CPD: variants seen among roughly 807,000 people sequenced by gnomAD.
CPD encodes carboxypeptidase D.
Under a neutral mutation model 138.3 loss-of-function variants are expected in CPD, and 69 were observed. The ratio of observed to expected loss-of-function variants is 0.50; its 90% CI spans 0.41 to 0.61. The LOEUF (loss-of-function observed/expected upper bound fraction) is 0.61, where lower values mean the gene tolerates loss of function less well. Among genes scored for constraint, CPD ranks in the 20% least tolerant of loss-of-function variants. CPD has a pLI of 0.00. For missense variants in CPD, 1,432 were observed against 1,733.3 expected (o/e 0.83, Z 3.09); for synonymous variants, 651 against 642.1 (o/e 1.01, Z -0.21).
At chr17:30,423,447 C>T (rs538512102) in intron 5 of CPD, 59 bp from the exon 6 acceptor site, 3 of 1,275,654 alleles carry the variant, frequency 2.4e-6, no homozygotes, top group African/African-American at 1.6e-5. Context: ...CGGAAAAAAA[C>T]TGAGTCCATG....
At chr17:30,401,293 TCTCCTCTTA>T in intron 2 of CPD, among the ~76,000 whole-genome samples, 1 of 150,668 alleles carries the variant, frequency 6.6e-6, no homozygotes, top group African/African-American at 2.4e-5. Context: ...TCCTCCTCTT[TCTCCTCTTA>T]CTCCTCTTCC....
intron 2 of CPD, among the ~76,000 whole-genome samples, chr17:30,399,988 C>A (rs1276070382): frequency 6.6e-6 from 1 of 152,128 alleles, no homozygotes; most frequent in African/African-American, 2.4e-5. Context: ...GAGACTCTGT[C>A]TCAAAAAATA....
intron 2 of CPD, among the ~76,000 whole-genome samples, chr17:30,410,783 C>T (rs1322307110): frequency 6.6e-6 from 1 of 152,170 alleles, no homozygotes. Flanking sequence ...CTGAATACAG[C>T]ACACTGATGG....
chr17:30,393,736 G>A (rs1250191974), intron 2 of CPD, among the ~76,000 whole-genome samples: 1 of 152,174 alleles, frequency 6.6e-6, no homozygotes, highest in Non-Finnish European at 1.5e-5. Flanking sequence ...TTGAGGTGTG[G>A]ATGACTAAGA....
intron 2 of CPD, among the ~76,000 whole-genome samples, chr17:30,392,017 T>G (rs1489467526): frequency 6.6e-6 from 1 of 151,462 alleles, no homozygotes; most frequent in Admixed American, 6.6e-5. Flanking sequence ...TCTTTTTTTT[T>G]TTTTTTTTTG....
intron 2 of CPD, among the ~76,000 whole-genome samples, chr17:30,412,035 T>C (rs1911982036): frequency 6.6e-6 from 1 of 152,178 alleles, no homozygotes; most frequent in African/African-American, 2.4e-5. Flanking sequence ...GACCTACAGA[T>C]GGGGTTTTGG....
intron 12 of CPD, chr17:30,447,471 C>T (rs1418479817): frequency 6.6e-6 from 1 of 152,156 alleles, no homozygotes; most frequent in African/African-American, 2.4e-5. Context: ...TGTAAAATTG[C>T]TCTTCCTGAT....
intron 2 of CPD, among the ~76,000 whole-genome samples, chr17:30,390,638 T>G (rs1320713551): frequency 6.6e-6 from 1 of 152,202 alleles, no homozygotes; most frequent in Non-Finnish European, 1.5e-5. Flanking sequence ...CTAGTGCCTT[T>G]GCCTTCATTG....
chr17:30,414,508 G>C (rs542394579), intron 2 of CPD, among the ~76,000 whole-genome samples: 1 of 151,944 alleles, frequency 6.6e-6, no homozygotes, highest in Non-Finnish European at 1.5e-5. Flanking sequence ...GCATGAATCC[G>C]GGAGGCAGAG....
At chr17:30,380,374 C>A in intron 1 of CPD, 1 of 786,956 alleles carries the variant, frequency 1.3e-6, no homozygotes, top group Non-Finnish European at 1.6e-6. Flanking sequence ...GATTTTTCTC[C>A]AATTTTTACC....
intron 2 of CPD, among the ~76,000 whole-genome samples, chr17:30,396,838 T>C (rs1179248021): frequency 1.3e-5 from 2 of 152,128 alleles, no homozygotes; most frequent in Non-Finnish European, 2.9e-5. Flanking sequence ...CTTTCTTTCC[T>C]TCTTTCCTTC....
At chr17:30,453,341 T>C (rs1913214066) in intron 14 of CPD, among the ~76,000 whole-genome samples, 1 of 152,120 alleles carries the variant, frequency 6.6e-6, no homozygotes, top group Non-Finnish European at 1.5e-5. Context: ...TTGGCCAAAA[T>C]GGAGGGGCTA....
chr17:30,448,480 A>G (rs960570869), intron 12 of CPD, among the ~76,000 whole-genome samples: 2 of 152,250 alleles, frequency 1.3e-5, no homozygotes, highest in African/African-American at 2.4e-5. Context: ...TATGCCACAC[A>G]TGCCAGTGGT....
intron 9 of CPD, among the ~76,000 whole-genome samples, chr17:30,439,574 A>G (rs1158856763): frequency 2.1e-5 from 2 of 95,810 alleles, no homozygotes; most frequent in East Asian, 3.4e-4. Context: ...CCACCCCACC[A>G]CAGTCCCCAG....
At chr17:30,424,303 G>A (rs1464187293) in intron 6 of CPD, among the ~76,000 whole-genome samples, 1 of 152,238 alleles carries the variant, frequency 6.6e-6, no homozygotes, top group African/African-American at 2.4e-5. Context: ...AGGCTTCACA[G>A]AGAATAGATT....
chr17:30,390,895 T>G (rs897461028), intron 2 of CPD, among the ~76,000 whole-genome samples: 1 of 151,644 alleles, frequency 6.6e-6, no homozygotes, highest in African/African-American at 2.4e-5. Context: ...AATGGCACAA[T>G]CTCAGCTCAC....
chr17:30,412,397 C>T (rs556420946), intron 2 of CPD, among the ~76,000 whole-genome samples: 2 of 152,348 alleles, frequency 1.3e-5, no homozygotes, highest in South Asian at 2.1e-4. Context: ...GGGAGAACCA[C>T]TGCTCTCTTC....
At chr17:30,464,276 C>T (rs923814163) in intron 20 of CPD, among the ~76,000 whole-genome samples, 2 of 151,912 alleles carry the variant, frequency 1.3e-5, no homozygotes, top group African/African-American at 2.4e-5. Flanking sequence ...ACCTGTGGTA[C>T]TACTTGGGAG....
intron 17 of CPD, among the ~76,000 whole-genome samples, chr17:30,458,182 G>A (rs575342866): frequency 7.2e-4 from 110 of 152,122 alleles, no homozygotes; most frequent in Non-Finnish European, 1.1e-3. Context: ...CAACAAACAC[G>A]AAACTCTGTC....
Sources: gnomAD v4.1 joint callset for allele counts (sites outside exome capture counted in the v4.1 genomes callset) on GRCh38, gnomAD v4.1.1 for gene constraint, MANE v1.5 for transcripts, NCBI Gene and HGNC (gene_info 2026-07-23, HGNC 2026-07-21) for gene names.